The following BMPER variants were observed in gnomAD, a reference collection of about 807,000 sequenced individuals.
The protein encoded by BMPER is BMP-binding endothelial regulator protein.
BMPER carries 45 observed loss-of-function variants against 87.3 expected under a neutral mutation model. The ratio of observed to expected loss-of-function variants is 0.52; its 90% CI spans 0.41 to 0.66. The LOEUF is 0.66. BMPER is among the 30% of genes least tolerant of loss of function. The pLI, the probability that BMPER is intolerant of heterozygous loss-of-function variation, is 0.00. For missense variants in BMPER, 784 were observed against 867.5 expected, an observed-to-expected ratio of 0.90 and a Z score of 1.21; for synonymous variants, 326 against 316.2, an observed-to-expected ratio of 1.03 and a Z score of -0.33.
chr7:33,985,667 T>C (rs17170513), intron 6 of BMPER, among the ~76,000 whole-genome samples: 18,904 of 152,126 alleles, frequency 0.12, 1,589 homozygotes, highest in African/African-American at 0.24. Flanking sequence ...TTTGGAAATC[T>C]TGTTTTCATG....
chr7:34,083,274 A>G (rs1204883140), intron 12 of BMPER, among the ~76,000 whole-genome samples: 5 of 152,204 alleles, frequency 3.3e-5, no homozygotes, highest in African/African-American at 7.2e-5. Context: ...AGAGATCCAC[A>G]TGGGAGGTCA....
chr7:34,005,578 A>C (rs573077174), intron 6 of BMPER, among the ~76,000 whole-genome samples: 1 of 151,210 alleles, frequency 6.6e-6, no homozygotes, highest in Admixed American at 6.6e-5. Flanking sequence ...CTCCTATTTT[A>C]TTTTTTGCAG....
intron 2 of BMPER, among the ~76,000 whole-genome samples, chr7:33,921,102 C>G (rs1784219451): frequency 6.6e-6 from 1 of 152,074 alleles, no homozygotes; most frequent in Non-Finnish European, 1.5e-5. Flanking sequence ...TTATTATAAC[C>G]CTTACTCCTC....
At chr7:34,011,583 C>CAAAAAAAAAA (rs36022297) in intron 6 of BMPER, among the ~76,000 whole-genome samples, 1,554 of 41,268 alleles carry the variant, frequency 0.038, 1 homozygote, top group Non-Finnish European at 0.057. Context: ...TTGGTCAGGG[C>CAAAAAAAAAA]AAAAAAAAAA....
intron 2 of BMPER, among the ~76,000 whole-genome samples, chr7:33,921,423 G>A (rs1377664322): frequency 6.6e-6 from 1 of 152,224 alleles, no homozygotes; most frequent in African/African-American, 2.4e-5. Flanking sequence ...ATCAGCGAGA[G>A]TTGGGACTGC....
chr7:34,075,995 C>T (rs1054667981), intron 11 of BMPER, among the ~76,000 whole-genome samples: 1 of 152,222 alleles, frequency 6.6e-6, no homozygotes, highest in South Asian at 2.1e-4. Context: ...CAGGCATCTT[C>T]ACAGTCATGA....
rs1790515320 is a variant in BMPER at position 34,129,630 on chromosome 7, G to GAGAAGGAAAGAAAGAAAGAAAGAA, written c.1746-13596_1746-13595insGGAAAGAAAGAAAGAAAGAAAGAA. 4.2e-3 allele frequency among the ~76,000 whole-genome samples: 239 copies of GAGAAGGAAAGAAAGAAAGAAAGAA among 56,306 alleles called. 1 individual carries two copies. The highest frequency in any genetic ancestry group is 6.2e-3 in the Non-Finnish European group (179 of 28,716). The allele number at this position is 56,306 out of a possible 152,430, so 36.9% of individuals were successfully genotyped here. A position where few individuals can be genotyped will look rare whatever the true frequency, so the allele number is the denominator to read the frequency against. ...AGAGAAAGAGAGAGAGAGAGAAAGA[G>GAGAAGGAAAGAAAGAAAGAAAGAA]AGAAAGAAAGAAAGAAAGAAAGAAA... On this transcript the variant is annotated intron_variant, in intron 13 of 14. Transcript: ENST00000649409.
intron 13 of BMPER, among the ~76,000 whole-genome samples, chr7:34,108,932 C>T (rs1305337469): frequency 6.6e-6 from 1 of 152,026 alleles, no homozygotes; most frequent in African/African-American, 2.4e-5. Flanking sequence ...AGTGGGTGGT[C>T]ATGGAAGGGG....
chr7:33,928,006 C>T (rs759720154), intron 2 of BMPER, among the ~76,000 whole-genome samples: 1 of 152,196 alleles, frequency 6.6e-6, no homozygotes, highest in Non-Finnish European at 1.5e-5. Flanking sequence ...AGCAGCCTGG[C>T]CTCCTGCGTG....
At chr7:34,058,474 G>A (rs1024396976) in intron 10 of BMPER, among the ~76,000 whole-genome samples, 4 of 152,166 alleles carry the variant, frequency 2.6e-5, no homozygotes, top group Non-Finnish European at 4.4e-5. Flanking sequence ...GTTTAACATC[G>A]TAACTGTCTT....
intron 2 of BMPER, among the ~76,000 whole-genome samples, chr7:33,915,735 A>T (rs1172611907): frequency 6.6e-6 from 1 of 152,208 alleles, no homozygotes; most frequent in East Asian, 1.9e-4. Flanking sequence ...CTGTTTGTGA[A>T]CAGTGTAAAT....
At chr7:34,147,002 C>T (rs188767778) in intron 14 of BMPER, among the ~76,000 whole-genome samples, 2 of 152,294 alleles carry the variant, frequency 1.3e-5, no homozygotes, top group Admixed American at 1.3e-4. Flanking sequence ...AGCAGAATGT[C>T]TGCCACCTGC....
intron 7 of BMPER, 138 bp downstream of exon 7, chr7:34,046,543 A>G: frequency 1.1e-6 from 1 of 883,648 alleles, no homozygotes; most frequent in Non-Finnish European, 1.9e-6. Context: ...CCCTCTTCTA[A>G]TTACAGAAGT....
intron 6 of BMPER, among the ~76,000 whole-genome samples, chr7:33,990,553 A>G (rs1209671669): frequency 3.3e-5 from 5 of 151,372 alleles, no homozygotes; most frequent in East Asian, 2.0e-4. Context: ...CAATCATGTC[A>G]TCTGCAAACA....
intron 3 of BMPER, among the ~76,000 whole-genome samples, chr7:33,951,180 T>C (rs2128613222): frequency 6.6e-6 from 1 of 152,140 alleles, no homozygotes; most frequent in African/African-American, 2.4e-5. Flanking sequence ...TCCGAGTAGC[T>C]GGGACTACAG....
chr7:33,921,798 C>G, intron 2 of BMPER: 1 of 470,960 alleles, frequency 2.1e-6, no homozygotes. Context: ...CTAGATGGAG[C>G]AATCTGACAC....
At chr7:33,918,681 A>T (rs756054732) in intron 2 of BMPER, among the ~76,000 whole-genome samples, 1 of 152,236 alleles carries the variant, frequency 6.6e-6, no homozygotes, top group African/African-American at 2.4e-5. Flanking sequence ...AGGTCTTGCC[A>T]TGGGCTTCTG....
chr7:34,074,893 TG>T (rs1203897048), intron 11 of BMPER, among the ~76,000 whole-genome samples: 5 of 152,224 alleles, frequency 3.3e-5, no homozygotes, highest in Non-Finnish European at 5.9e-5. Flanking sequence ...TTATAAACAG[TG>T]GCTGTTTCTT....
At chr7:34,018,240 G>A (rs78003894) in intron 6 of BMPER, among the ~76,000 whole-genome samples, 2,650 of 151,982 alleles carry the variant, frequency 0.017, 88 homozygotes, top group African/African-American at 0.06. Context: ...GGTGACTTCA[G>A]AGAGGAGATC....
Sources: gnomAD v4.1 joint callset for allele counts (sites outside exome capture counted in the v4.1 genomes callset) on GRCh38, gnomAD v4.1.1 for gene constraint, MANE v1.5 for transcripts, NCBI Gene and HGNC (gene_info 2026-07-23, HGNC 2026-07-21) for gene names.